Variants in NCKAP1L observed in about 807,000 individuals in gnomAD.
NCKAP1L encodes NCK associated protein 1 like.
Under a neutral mutation model 139.2 loss-of-function variants are expected in NCKAP1L, and 53 were observed. The ratio of observed to expected loss-of-function variants is 0.38; its 90% CI spans 0.31 to 0.48. NCKAP1L has a LOEUF of 0.48. NCKAP1L is among the 20% of genes least tolerant of loss of function. The pLI is 0.98. For missense variants in NCKAP1L, 1,151 were observed against 1,381.9 expected (o/e 0.83, Z 2.65); for synonymous variants, 468 against 499.7 (o/e 0.94, Z 0.85).
chr12:54,530,396 G>A (rs12829100), intron 22 of NCKAP1L, among the ~76,000 whole-genome samples: 9,510 of 152,280 alleles, frequency 0.062, 309 homozygotes, highest in African/African-American at 0.078. Flanking sequence ...GCCAGAGCAG[G>A]CTGGGTGGCA....
chr12:54,516,973 C>T lies in NCKAP1L; in HGVS notation c.1076C>T (p.Pro359Leu), dbSNP rs770633648. The part of the protein sequence containing the change: ...KELETVLADE[P>L]GLLGPKALFA... The stretch of plus-strand genomic sequence containing the variant: ...CTGGAGACTGTGTTGGCTGATGAAC[C>T]GGGACTACTGGGTCCTAAGGCAAGA... The change falls in exon 11 of 31, where the codon CCG becomes CTG. Residue 359 changes from proline to leucine, a missense_variant. Transcript: ENST00000293373. 7.4e-6 allele frequency: 12 copies of T among 1,611,930 alleles called. No homozygotes were observed. The highest frequency in any genetic ancestry group is 1.3e-5 in the African/African-American group (1 of 74,818).
chr12:54,542,583 G>A lies in NCKAP1L; in HGVS notation c.3282G>A (p.Glu1094=). The A allele has an allele frequency of 1.2e-6, 2 of 1,613,232 alleles. No individual in the cohort carries two copies. The highest frequency in any genetic ancestry group is 1.7e-6 in the Non-Finnish European group (2 of 1,179,176). The change falls in exon 31 of 31, where the codon GAG becomes GAA. Residue 1094 remains glutamate (E), a synonymous_variant. Transcript: ENST00000293373. ...SISLLMRLVV[E]ESSFLTLDML... ...GGCCCCATCTCTTTCAGGTGGTGGA[G>A]GAGTCATCCTTCCTGACCCTGGACA...
intron 3 of NCKAP1L, among the ~76,000 whole-genome samples, chr12:54,502,654 G>A (rs1047339852): frequency 5.3e-5 from 8 of 151,638 alleles, no homozygotes; most frequent in Non-Finnish European, 1.0e-4. Context: ...TCATACACAG[G>A]AAATATAACA....
At chr12:54,503,011 A>T (rs1255209218) in intron 3 of NCKAP1L, among the ~76,000 whole-genome samples, 1 of 151,136 alleles carries the variant, frequency 6.6e-6, no homozygotes, top group African/African-American at 2.4e-5. Context: ...TCTCAAAAAA[A>T]AAAAAAAAGA....
In NCKAP1L at chr12:54,528,290, A is replaced by T. The variant is rs772756638; in HGVS notation, c.2419A>T (p.Ile807Phe). 3 of 1,614,000 alleles carry T rather than the reference A, an allele frequency of 1.9e-6. No homozygotes were observed. Among genetic ancestry groups the T allele is most frequent in the East Asian group, 4.5e-5 (2 of 44,858 alleles). The change falls in exon 22 of 31, where the codon ATC becomes TTC. Residue 807 changes from isoleucine to phenylalanine, a missense_variant. Physicochemically the swap from Ile to Phe is conservative, Grantham distance 21. Transcript: ENST00000293373. ...TAGACAGGCAAGCAGTGGGACCATC[A>T]TCCTCTCCCCAGCCATGCAGGCCTT... ...LLRQASSGTIILSPAMQAFVS... is the reference protein window; with the variant it reads ...LLRQASSGTIFLSPAMQAFVS...
At chr12:54,539,415 A>G (rs371445936) in intron 30 of NCKAP1L, among the ~76,000 whole-genome samples, 101 of 152,314 alleles carry the variant, frequency 6.6e-4, no homozygotes, top group African/African-American at 2.3e-3. Flanking sequence ...GGGGGCTCAG[A>G]GGAGGGAAAG....
intron 3 of NCKAP1L, among the ~76,000 whole-genome samples, chr12:54,502,746 G>A (rs1365349213): frequency 6.6e-6 from 1 of 150,388 alleles, no homozygotes; most frequent in African/African-American, 2.5e-5. Context: ...CAACACTTTG[G>A]GAGGCTGACG....
chr12:54,530,659 C>G (rs1464817457), intron 22 of NCKAP1L, among the ~76,000 whole-genome samples: 6 of 152,226 alleles, frequency 3.9e-5, no homozygotes, highest in Non-Finnish European at 8.8e-5. Flanking sequence ...CTTCCAGTAC[C>G]AGCCCCTGCT....
At chr12:54,506,796 A>AAAAAAAAAAAATATATATATATATAT in intron 3 of NCKAP1L, among the ~76,000 whole-genome samples, 1 of 50,608 alleles carries the variant, frequency 2.0e-5, no homozygotes, top group African/African-American at 1.1e-4. Context: ...AAAAAAAAAA[A>AAAAAAAAAAAATATATATATATATAT]ATATATATAT....
chr12:54,522,218 A>G (rs955100857), intron 18 of NCKAP1L, among the ~76,000 whole-genome samples: 19 of 152,216 alleles, frequency 1.2e-4, no homozygotes, highest in African/African-American at 4.3e-4. Context: ...AATTTAAATA[A>G]TTAATGCAAG....
At chr12:54,514,202 T>G (rs184440244) in intron 9 of NCKAP1L, among the ~76,000 whole-genome samples, 1 of 152,332 alleles carries the variant, frequency 6.6e-6, no homozygotes, top group East Asian at 1.9e-4. Flanking sequence ...ACATAGTTTA[T>G]TTACAAAATC....
chr12:54,516,940 T>C lies in NCKAP1L; in HGVS notation c.1043T>C (p.Val348Ala), dbSNP rs773954618. 2 of 1,612,890 alleles carry C rather than the reference T, an allele frequency of 1.2e-6. No homozygotes were observed. The highest frequency in any genetic ancestry group is 1.7e-6 in the Non-Finnish European group (2 of 1,179,258). Residue 348 changes from valine (V) to alanine (A), a missense_variant, in exon 11 of 31, where the codon GTG (valine) becomes GCG (alanine). By Grantham distance (64) the Val-to-Ala change is moderately conservative (BLOSUM62 0). Coordinates refer to ENST00000293373, the MANE Select transcript of NCKAP1L (RefSeq NM_005337.5). The part of the protein sequence containing the change: ...CQRRQFLRMA[V>A]KELETVLADE... The stretch of plus-strand genomic sequence containing the variant: ...CGGCGGCAATTTCTGCGGATGGCAG[T>C]GAAGGAGCTGGAGACTGTGTTGGCT...
chr12:54,514,103 A>G (rs142760714), intron 9 of NCKAP1L, among the ~76,000 whole-genome samples: 1,619 of 152,226 alleles, frequency 0.011, 25 homozygotes, highest in African/African-American at 0.037. Context: ...TGCTTAAAAA[A>G]ACTTACTATG....
At chr12:54,539,855 C>T (rs1219969436) in intron 30 of NCKAP1L, among the ~76,000 whole-genome samples, 1 of 152,188 alleles carries the variant, frequency 6.6e-6, no homozygotes, top group African/African-American at 2.4e-5. Context: ...CTTGTAGGGC[C>T]TGTGTTAAAC....
In NCKAP1L at chr12:54,531,336, C is replaced by T. The variant is rs537982864; in HGVS notation, c.2583C>T (p.Thr861=). 7 of 1,614,094 alleles carry T rather than the reference C, an allele frequency of 4.3e-6. No individual in the cohort carries two copies. The South Asian group carries it at 6.6e-5, about 15-fold the overall frequency. ...GTGAAAACCTGATGTGGCATGTGAC[C>T]TCTCAGATTGTGGAGCTGAAGGTAC... ...FLSENLMWHV[T]SQIVELKKLV... is the part of the protein sequence containing the mutation. The change falls in exon 23 of 31, where the codon ACC becomes ACT. Residue 861 remains threonine, a synonymous_variant. Transcript: ENST00000293373.
intron 9 of NCKAP1L, among the ~76,000 whole-genome samples, chr12:54,512,788 GTGTA>G (rs138418189): frequency 1.4e-5 from 2 of 138,978 alleles, no homozygotes; most frequent in African/African-American, 2.7e-5. Context: ...GTGTGTGTGT[GTGTA>G]TGTGTGAGTA....
chr12:54,541,676 C>T (rs751883633), intron 30 of NCKAP1L, among the ~76,000 whole-genome samples: 6 of 152,142 alleles, frequency 3.9e-5, no homozygotes, highest in Non-Finnish European at 7.4e-5. Context: ...GAGAGAAACA[C>T]GTTAGAGTAG....
rs1956961182 is a variant in NCKAP1L at position 54,519,260 on chromosome 12, T to G, written c.1553T>G (p.Ile518Ser). 1 of 1,591,610 alleles carries G rather than the reference T, an allele frequency of 6.3e-7. No individual in the cohort carries two copies. Among genetic ancestry groups the G allele is most frequent in the Non-Finnish European group, 8.5e-7 (1 of 1,174,076 alleles). ...GACTTAGCCAAGGTGATGAACCTCA[T>G]TGTCTTCCACTCCCGAATGCTGGAC... ...NPDLAKVMNL[I>S]VFHSRMLDSV... The change falls in exon 16 of 31, where the codon ATT becomes AGT. Residue 518 changes from isoleucine (I) to serine (S), a missense_variant. Ile to Ser is a moderately radical substitution (Grantham distance 142). Coordinates refer to ENST00000293373, the MANE Select transcript of NCKAP1L (RefSeq NM_005337.5).
chr12:54,542,762 G>C lies in NCKAP1L; in HGVS notation c.*77G>C. On this transcript the variant is annotated 3_prime_UTR_variant, in exon 31 of 31. Coordinates refer to ENST00000293373, the MANE Select transcript of NCKAP1L (RefSeq NM_005337.5). ...CATAGTGGAAGCTGTGGTCACTTTC[G>C]CAGGGGGTGGGAATGGGGTGGGGTC... is the stretch of plus-strand genomic sequence containing the variant. 1.1e-6 allele frequency: 1 copy of C among 881,512 alleles called. No homozygotes were observed. Among genetic ancestry groups the C allele is most frequent in the Non-Finnish European group, 1.9e-6 (1 of 537,968 alleles). The allele number at this position is 881,512 out of a possible 1,614,324, so 54.6% of individuals were successfully genotyped here.
Sources: allele counts gnomAD v4.1 joint callset (sites outside exome capture counted in the v4.1 genomes callset), GRCh38; gene constraint gnomAD v4.1.1; transcripts MANE v1.5; gene names NCBI Gene and HGNC (gene_info 2026-07-23, HGNC 2026-07-21).